Variants in AVEN observed in about 807,000 individuals in gnomAD.
The protein encoded by AVEN is apoptosis and caspase activation inhibitor, also known as cell death regulator Aven.
In AVEN, 41 loss-of-function variants were observed where a neutral mutation model predicts 38.1. The ratio of observed to expected loss-of-function variants is 1.08; its 90% confidence interval spans 0.84 to 1.40. AVEN has a LOEUF of 1.40. AVEN is among the 40% of genes most tolerant of loss of function. The pLI is 0.00. For synonymous variants in AVEN, 206 were observed against 171.8 expected, an observed-to-expected ratio of 1.20 and a Z score of -1.56; for missense variants, 605 against 438.8, an observed-to-expected ratio of 1.38 and a Z score of -3.38.
intron 1 of AVEN, among the ~76,000 whole-genome samples, chr15:34,015,036 GC>G (rs1368100946): frequency 6.6e-6 from 1 of 152,088 alleles, no homozygotes; most frequent in East Asian, 1.9e-4. Context: ...GAGTCCTGAA[GC>G]CTGAAAAGCT....
At chr15:34,021,251 C>T (rs188700336) in intron 1 of AVEN, among the ~76,000 whole-genome samples, 4 of 152,028 alleles carry the variant, frequency 2.6e-5, no homozygotes, top group African/African-American at 7.2e-5. Flanking sequence ...AGGCTACAGG[C>T]ACACACCACC....
At chr15:33,882,011 G>C (rs1328539916) in intron 2 of AVEN, among the ~76,000 whole-genome samples, 1 of 152,184 alleles carries the variant, frequency 6.6e-6, no homozygotes, top group Non-Finnish European at 1.5e-5. Flanking sequence ...CATAGTGAAA[G>C]GAATAGAACT....
intron 2 of AVEN, among the ~76,000 whole-genome samples, chr15:33,935,935 T>C (rs1368030451): frequency 6.6e-6 from 1 of 152,214 alleles, no homozygotes; most frequent in Non-Finnish European, 1.5e-5. Flanking sequence ...TCATTTAGTT[T>C]TGTAATAGTG....
intron 2 of AVEN, among the ~76,000 whole-genome samples, chr15:33,941,961 C>T (rs377282722): frequency 2.6e-5 from 4 of 152,080 alleles, no homozygotes; most frequent in South Asian, 2.1e-4. Flanking sequence ...GACAGCCTGC[C>T]CTAAATTACA....
At chr15:33,957,903 T>C (rs1341489005) in intron 2 of AVEN, among the ~76,000 whole-genome samples, 2 of 152,184 alleles carry the variant, frequency 1.3e-5, no homozygotes, top group East Asian at 3.9e-4. Context: ...GTTTCCAAAG[T>C]GTGGTCCCTG....
intron 1 of AVEN, among the ~76,000 whole-genome samples, chr15:34,031,885 A>G (rs1260312987): frequency 2.0e-5 from 3 of 152,186 alleles, no homozygotes; most frequent in African/African-American, 7.2e-5. Flanking sequence ...ATTCTCCATA[A>G]CCATTATCCA....
At chr15:33,862,109 C>G (rs1888467120), downstream of AVEN, among the ~76,000 whole-genome samples, 1 of 152,176 alleles carries the variant, frequency 6.6e-6, no homozygotes, top group African/African-American at 2.4e-5. Flanking sequence ...TACCTGATAA[C>G]TCAGACCCTG....
At chr15:33,917,473 C>T (rs1230215485) in intron 2 of AVEN, among the ~76,000 whole-genome samples, 2 of 127,782 alleles carry the variant, frequency 1.6e-5, no homozygotes, top group Non-Finnish European at 3.5e-5. Flanking sequence ...TATACACATA[C>T]ATCATGGGAT....
At chr15:34,029,251 A>G (rs767670812) in intron 1 of AVEN, among the ~76,000 whole-genome samples, 8 of 152,196 alleles carry the variant, frequency 5.3e-5, no homozygotes, top group Non-Finnish European at 8.8e-5. Flanking sequence ...CCATATTGTA[A>G]AAATGAAAAA....
chr15:34,026,419 AAC>A (rs1468413795), intron 1 of AVEN, among the ~76,000 whole-genome samples: 1 of 152,190 alleles, frequency 6.6e-6, no homozygotes, highest in Non-Finnish European at 1.5e-5. Flanking sequence ...GAGGAAAGGA[AAC>A]ACGGATTAAT....
intron 2 of AVEN, among the ~76,000 whole-genome samples, chr15:33,927,497 A>G (rs891808276): frequency 3.3e-5 from 5 of 152,174 alleles, no homozygotes; most frequent in Admixed American, 2.6e-4. Flanking sequence ...GTTTCTAACC[A>G]TACTTTGCTA....
intron 2 of AVEN, among the ~76,000 whole-genome samples, chr15:33,943,293 T>A (rs1894384436): frequency 6.6e-6 from 1 of 152,206 alleles, no homozygotes; most frequent in African/African-American, 2.4e-5. Context: ...GGAAATCCTG[T>A]CACATGCTAC....
intron 1 of AVEN, among the ~76,000 whole-genome samples, chr15:34,010,283 G>A (rs774119636): frequency 2.0e-5 from 3 of 151,782 alleles, no homozygotes; most frequent in Non-Finnish European, 2.9e-5. Flanking sequence ...CAGTATATTT[G>A]GACAACCTTA....
At chr15:33,854,446 C>T (rs1331590418), downstream of AVEN, 1 of 1,571,382 alleles carries the variant, frequency 6.4e-7, no homozygotes, top group African/African-American at 1.4e-5. Flanking sequence ...TTTTTACTGA[C>T]AACGTAAGTA....
chr15:34,010,543 G>T (rs945689070), intron 1 of AVEN, among the ~76,000 whole-genome samples: 7 of 151,376 alleles, frequency 4.6e-5, no homozygotes, highest in African/African-American at 1.7e-4. Context: ...TATAGAAAAG[G>T]CTTTCCTGTT....
chr15:34,062,429 C>T (rs1900365954), intron 5 of AVEN, among the ~76,000 whole-genome samples: 1 of 151,894 alleles, frequency 6.6e-6, no homozygotes, highest in South Asian at 2.1e-4. Flanking sequence ...GTGGTGGGAG[C>T]CTGTGATCCC....
intron 2 of AVEN, among the ~76,000 whole-genome samples, chr15:33,999,524 C>T (rs1897059554): frequency 6.6e-6 from 1 of 152,198 alleles, no homozygotes; most frequent in African/African-American, 2.4e-5. Flanking sequence ...AACTTACACA[C>T]CTCAGTTAAG....
intron 11 of AVEN, among the ~76,000 whole-genome samples, chr15:33,859,257 G>T (rs948512733): frequency 6.6e-6 from 1 of 152,226 alleles, no homozygotes; most frequent in Non-Finnish European, 1.5e-5. Flanking sequence ...AAAATTAAAT[G>T]AGGAAAAATT....
intron 2 of AVEN, among the ~76,000 whole-genome samples, chr15:33,962,919 C>CAAAAA (rs57807791): frequency 3.7e-5 from 3 of 81,924 alleles, no homozygotes; most frequent in African/African-American, 1.6e-4. Flanking sequence ...AACTCGTTCT[C>CAAAAA]AAAAAAAAAA....
Sources: gnomAD v4.1 joint callset for allele counts (sites outside exome capture counted in the v4.1 genomes callset) on GRCh38, gnomAD v4.1.1 for gene constraint, MANE v1.5 for transcripts, NCBI Gene and HGNC (gene_info 2026-07-23, HGNC 2026-07-21) for gene names.